Variants in ANKFN1 observed in about 807,000 individuals in gnomAD.
ANKFN1 encodes ankyrin repeat and fibronectin type III domain containing 1.
A neutral mutation model predicts 108.7 loss-of-function variants in ANKFN1; 74 were observed. That is an observed-to-expected ratio of 0.68 (90% CI 0.56 to 0.83). The LOEUF (loss-of-function observed/expected upper bound fraction) is 0.83, where lower values mean the gene tolerates loss of function less well. Among genes scored for constraint, ANKFN1 ranks in the 40% least tolerant of loss-of-function variants. ANKFN1 has a pLI of 0.00. For synonymous variants in ANKFN1, 547 were observed against 516.2 expected (o/e 1.06, Z -0.81); for missense variants, 1,505 against 1,382.3 (o/e 1.09, Z -1.41).
intron 2 of ANKFN1, among the ~76,000 whole-genome samples, chr17:56,213,332 C>G (rs948352560): frequency 6.6e-6 from 1 of 152,168 alleles, no homozygotes; most frequent in African/African-American, 2.4e-5. Context: ...TCTGTGCACA[C>G]GAGCGGTGGC....
intron 1 of ANKFN1, among the ~76,000 whole-genome samples, chr17:56,199,736 G>T (rs950787356): frequency 6.6e-6 from 1 of 152,108 alleles, no homozygotes; most frequent in East Asian, 1.9e-4. Flanking sequence ...AGTGAAATCT[G>T]AATTTTCGAT....
At chr17:56,175,656 A>G (rs1911077377) in intron 1 of ANKFN1, among the ~76,000 whole-genome samples, 1 of 151,920 alleles carries the variant, frequency 6.6e-6, no homozygotes, top group East Asian at 1.9e-4. Flanking sequence ...ATCCATTTCC[A>G]CCATTCCCCA....
chr17:56,176,288 G>C (rs1911146865), intron 1 of ANKFN1, among the ~76,000 whole-genome samples: 1 of 152,096 alleles, frequency 6.6e-6, no homozygotes, highest in Non-Finnish European at 1.5e-5. Context: ...GCTGGAGAGA[G>C]GGGAAATGGA....
intron 4 of ANKFN1, among the ~76,000 whole-genome samples, chr17:56,047,969 G>T (rs557279325): frequency 1.3e-5 from 2 of 152,286 alleles, no homozygotes; most frequent in East Asian, 3.9e-4. Flanking sequence ...TGTTTTTAAA[G>T]GATCTTCTCC....
At chr17:56,228,029 G>C in intron 3 of ANKFN1, 72 bp downstream of exon 3, 1 of 1,305,804 alleles carries the variant, frequency 7.7e-7, no homozygotes, top group South Asian at 1.3e-5. Context: ...AATCTTTAAG[G>C]CTCCCATCTC....
intron 3 of ANKFN1, among the ~76,000 whole-genome samples, chr17:56,291,266 T>G (rs2044355881): frequency 6.6e-6 from 1 of 152,174 alleles, no homozygotes; most frequent in African/African-American, 2.4e-5. Flanking sequence ...CCTAAATTCC[T>G]TGTCTGGGAT....
At chr17:56,455,450 T>C (rs929627430) in intron 11 of ANKFN1, among the ~76,000 whole-genome samples, 15 of 152,206 alleles carry the variant, frequency 9.9e-5, no homozygotes, top group African/African-American at 3.4e-4. Context: ...CATGAATGCT[T>C]GTGTCAGTCA....
At chr17:56,183,601 G>A (rs1479107500) in intron 1 of ANKFN1, among the ~76,000 whole-genome samples, 2 of 152,104 alleles carry the variant, frequency 1.3e-5, no homozygotes, top group Non-Finnish European at 2.9e-5. Flanking sequence ...TAATATGCCT[G>A]CTTTTGCTTC....
At chr17:56,201,043 C>A (rs1009835583) in intron 1 of ANKFN1, among the ~76,000 whole-genome samples, 1 of 152,198 alleles carries the variant, frequency 6.6e-6, no homozygotes, top group Non-Finnish European at 1.5e-5. Context: ...CCCTCACAGT[C>A]CAATCTCTTT....
intron 6 of ANKFN1, among the ~76,000 whole-genome samples, chr17:56,367,481 G>A (rs938688996): frequency 2.6e-5 from 4 of 151,786 alleles, no homozygotes; most frequent in African/African-American, 9.7e-5. Flanking sequence ...TAGCTGCATA[G>A]GTCTTATAAC....
At chr17:56,490,046 CATTT>C (rs954335174) in intron 18 of ANKFN1, among the ~76,000 whole-genome samples, 18 of 152,154 alleles carry the variant, frequency 1.2e-4, no homozygotes, top group African/African-American at 4.3e-4. Flanking sequence ...TCCATTCATG[CATTT>C]ATTTATTTAT....
At chr17:56,322,872 A>G (rs534357656) in intron 3 of ANKFN1, among the ~76,000 whole-genome samples, 37 of 152,110 alleles carry the variant, frequency 2.4e-4, no homozygotes, top group Non-Finnish European at 7.4e-5. Context: ...TATCTCTTTT[A>G]TCTTTGAAAA....
intron 1 of ANKFN1, among the ~76,000 whole-genome samples, chr17:56,176,058 G>A (rs560070533): frequency 1.3e-5 from 2 of 151,992 alleles, no homozygotes; most frequent in Non-Finnish European, 2.9e-5. Flanking sequence ...TGACATGAAG[G>A]GGGGTACTGG....
intron 3 of ANKFN1, among the ~76,000 whole-genome samples, chr17:56,309,630 C>G (rs754127923): frequency 6.6e-6 from 1 of 152,058 alleles, no homozygotes; most frequent in Non-Finnish European, 1.5e-5. Flanking sequence ...CTTTCATCCA[C>G]AGGGGATACA....
At chr17:56,493,360 T>C (rs1396309430) in intron 19 of ANKFN1, among the ~76,000 whole-genome samples, 1 of 152,186 alleles carries the variant, frequency 6.6e-6, no homozygotes, top group Non-Finnish European at 1.5e-5. Flanking sequence ...AATTGATATA[T>C]AGCCTGGCCT....
chr17:56,082,440 AC>A lies in ANKFN1; in HGVS notation c.288+36116del, dbSNP rs202117769. On this transcript the variant is annotated intron_variant, in intron 4 of 12. Transcript: ENST00000635860. ...TTCCTCAAATCCCTATCACACACAC[AC>A]AAAAAAAAACCACGAGGCACTGAGC... Among the ~76,000 whole-genome samples, 15 of 48,644 alleles carry A rather than the reference AC, an allele frequency of 3.1e-4. No individual in the cohort carries two copies. In the East Asian group the frequency reaches 4.5e-3, roughly 15 times the overall value. The allele number at this position is 48,644 out of a possible 152,430, so 31.9% of individuals were successfully genotyped here.
intron 4 of ANKFN1, among the ~76,000 whole-genome samples, chr17:56,097,888 A>T (rs967376424): frequency 6.6e-6 from 1 of 152,126 alleles, no homozygotes; most frequent in Admixed American, 6.5e-5. Flanking sequence ...ATTATTTCTC[A>T]TATTCGGGGG....
chr17:56,430,538 A>ACACACACACAC (rs1555651705), intron 8 of ANKFN1, among the ~76,000 whole-genome samples: 1 of 151,172 alleles, frequency 6.6e-6, no homozygotes, highest in African/African-American at 2.4e-5. Flanking sequence ...ACACACACAC[A>ACACACACACAC]AAGGTAACTA....
chr17:56,200,605 G>A lies in ANKFN1; in HGVS notation c.-70-11993G>A, dbSNP rs535573737. Among the ~76,000 whole-genome samples the A allele has an allele frequency of 3.9e-5, 6 of 152,266 alleles. No homozygotes were observed. In the South Asian group the frequency reaches 1.2e-3, roughly 32 times the overall value. On this transcript the variant is annotated intron_variant, in intron 1 of 20. Transcript: ENST00000682825. ...TCAACTCCCTCTTGCCCTTCGGAGT[G>A]GCCCCTTAAGGAACTCTGTAGAACA...
Sources: allele counts gnomAD v4.1 joint callset (sites outside exome capture counted in the v4.1 genomes callset), GRCh38; gene constraint gnomAD v4.1.1; transcripts MANE v1.5; gene names NCBI Gene and HGNC (gene_info 2026-07-23, HGNC 2026-07-21).